CLIP1: variants seen among roughly 807,000 people sequenced by gnomAD.
The protein encoded by CLIP1 is CAP-Gly domain-containing linker protein 1.
A neutral mutation model predicts 161.6 loss-of-function variants in CLIP1; 66 were observed. The ratio of observed to expected loss-of-function variants is 0.41; its 90% CI spans 0.33 to 0.50. The LOEUF is 0.50. Among genes scored for constraint, CLIP1 ranks in the 20% least tolerant of loss-of-function variants. CLIP1 has a pLI of 0.27. For synonymous variants in CLIP1, 598 were observed against 626.2 expected, an observed-to-expected ratio of 0.96 and a Z score of 0.67; for missense variants, 1,376 against 1,702.0, an observed-to-expected ratio of 0.81 and a Z score of 3.37.
At chr12:122,333,958 A>G in intron 14 of CLIP1, 69 bp downstream of exon 14, 1 of 920,078 alleles carries the variant, frequency 1.1e-6, no homozygotes, top group East Asian at 2.4e-5. Context: ...TATGTAACAT[A>G]CTACAACTGT....
intron 9 of CLIP1, among the ~76,000 whole-genome samples, chr12:122,348,252 G>T (rs1952841889): frequency 6.6e-6 from 1 of 152,062 alleles, no homozygotes; most frequent in South Asian, 2.1e-4. Context: ...AGGGAAAAAA[G>T]GACTCAGAAT....
intron 20 of CLIP1, among the ~76,000 whole-genome samples, chr12:122,291,359 T>C (rs185309697): frequency 3.3e-5 from 5 of 150,912 alleles, no homozygotes; most frequent in Admixed American, 1.3e-4. Flanking sequence ...CCAGCTAACT[T>C]TTCTATTTTT....
chr12:122,299,612 C>CAAAAAAAAAAAAAAAAAAAAAAAA lies in CLIP1; in HGVS notation c.3594+10149_3594+10150insTTTTTTTTTTTTTTTTTTTTTTTT, dbSNP rs71082962. Among the ~76,000 whole-genome samples the CAAAAAAAAAAAAAAAAAAAAAAAA allele has an allele frequency of 1.6e-4, 10 of 62,518 alleles. 2 individuals carry two copies. The highest frequency in any genetic ancestry group is 7.0e-4 in the African/African-American group (10 of 14,344). 41.0% of individuals were successfully genotyped at this position (62,518 alleles called of 152,430 possible). A position where few individuals can be genotyped will look rare whatever the true frequency, so the allele number is the denominator to read the frequency against. ...TTTTGTTTTTAAAGAATAAATTCAG[C>CAAAAAAAAAAAAAAAAAAAAAAAA]AAAAAAAAAAAAAAAAAAAAGATGC... On this transcript the variant is annotated intron_variant, in intron 20 of 25. Coordinates refer to ENST00000620786, the MANE Select transcript of CLIP1 (RefSeq NM_001247997.2).
At chr12:122,376,930 G>A (rs1038849955) in intron 3 of CLIP1, among the ~76,000 whole-genome samples, 2 of 151,826 alleles carry the variant, frequency 1.3e-5, no homozygotes, top group Non-Finnish European at 2.9e-5. Flanking sequence ...AAACTGAACT[G>A]ATTAATTTCT....
In CLIP1 at chr12:122,313,289, T is replaced by C. The variant is rs544874740; in HGVS notation, c.3474-3407A>G. On this transcript the variant is annotated intron_variant, in intron 19 of 25. Transcript: ENST00000620786. The stretch of plus-strand genomic sequence containing the variant: ...TCCGGTCCCTCCCCACCTGAATGTG[T>C]TCAGGGATCAGAGGTCTGGGGAGTA... Among the ~76,000 whole-genome samples, 12 of 152,298 alleles carry C rather than the reference T, an allele frequency of 7.9e-5. 1 individual carries two copies. In the South Asian group the frequency reaches 2.3e-3, roughly 29 times the overall value.
At chr12:122,408,341 CTTTA>C (rs1956405291) in intron 1 of CLIP1, among the ~76,000 whole-genome samples, 1 of 150,684 alleles carries the variant, frequency 6.6e-6, no homozygotes, top group African/African-American at 2.4e-5. Flanking sequence ...TGAGACATTT[CTTTA>C]TTTTTTATTA....
In CLIP1 at chr12:122,377,413, C is replaced by T. The variant is rs1169250616; in HGVS notation, c.633G>A (p.Glu211=). ...CCAATACTCTGTCTCCGATTTTGAG[C>T]TCTCTTTCTCCTTTCTTGATTGAGC... ...EAGSIKKGER[E]LKIGDRVLVG... Residue 211 remains glutamate, a synonymous_variant, in exon 3 of 26, where the codon GAG becomes GAA. Coordinates refer to ENST00000620786, the MANE Select transcript of CLIP1 (RefSeq NM_001247997.2). 6.2e-7 allele frequency: 1 copy of T among 1,613,606 alleles called. No individual in the cohort carries two copies. The highest frequency in any genetic ancestry group is 8.5e-7 in the Non-Finnish European group (1 of 1,179,786).
At chr12:122,345,875 T>G (rs546528333) in intron 10 of CLIP1, among the ~76,000 whole-genome samples, 2 of 152,024 alleles carry the variant, frequency 1.3e-5, no homozygotes, top group African/African-American at 2.4e-5. Context: ...AACCTCTGCC[T>G]CCCAGGTTCA....
At chr12:122,317,020 C>T (rs530356952) in intron 18 of CLIP1, among the ~76,000 whole-genome samples, 165 bp from the exon 19 acceptor site, 1 of 150,758 alleles carries the variant, frequency 6.6e-6, no homozygotes, top group South Asian at 2.1e-4. Flanking sequence ...AAGTCTATTA[C>T]AAACTGCAAA....
At chr12:122,404,536 G>C (rs1313826123) in intron 1 of CLIP1, among the ~76,000 whole-genome samples, 1 of 151,872 alleles carries the variant, frequency 6.6e-6, no homozygotes, top group Non-Finnish European at 1.5e-5. Context: ...GGAGGTGGAG[G>C]TTGCAGTGAG....
intron 1 of CLIP1, among the ~76,000 whole-genome samples, chr12:122,402,662 C>A (rs1309862672): frequency 6.6e-6 from 1 of 151,866 alleles, no homozygotes. Flanking sequence ...TATAATCCCA[C>A]CTACTCCGGA....
intron 3 of CLIP1, among the ~76,000 whole-genome samples, chr12:122,372,037 T>C (rs1002984924): frequency 6.6e-6 from 1 of 151,962 alleles, no homozygotes; most frequent in Non-Finnish European, 1.5e-5. Context: ...ATCCCAGAAC[T>C]TTGGGAGGCC....
intron 21 of CLIP1, among the ~76,000 whole-genome samples, chr12:122,286,913 G>A (rs1375316242): frequency 1.3e-5 from 2 of 152,022 alleles, no homozygotes; most frequent in Non-Finnish European, 2.9e-5. Flanking sequence ...CAGGAGAATC[G>A]CTTGAACCCA....
At position 122,375,739 on chromosome 12, in the gene CLIP1, GA is replaced by G. The variant is rs566808806; in HGVS notation, c.657+1649del. On this transcript the variant is annotated intron_variant, in intron 3 of 25. Coordinates refer to ENST00000620786, the MANE Select transcript of CLIP1 (RefSeq NM_001247997.2). ...AACCAAAAATTAAAAATCAGAAGGG[GA>G]AAAAAAATCCAATTTTTATAAACAC... Among the ~76,000 whole-genome samples the G allele has an allele frequency of 1.3e-4, 19 of 148,942 alleles. No homozygotes were observed. The South Asian group carries it at 2.1e-3, about 17-fold the overall frequency.
At position 122,319,259 on chromosome 12, in the gene CLIP1, C is replaced by T; in HGVS notation, c.3339G>A (p.Lys1113=). 1 of 1,613,124 alleles carries T rather than the reference C, an allele frequency of 6.2e-7. No homozygotes were observed. The highest frequency in any genetic ancestry group is 1.3e-5 in the African/African-American group (1 of 75,038). Reference sequence around the variant, plus strand: ...CATTCTGTAGTTTTGCATTTGTTTGCTTGGTGTCCTCCAAGGAGGCCAGAG... The same window carrying T: ...CATTCTGTAGTTTTGCATTTGTTTGTTTGGTGTCCTCCAAGGAGGCCAGAG... ...TETLASLEDT[K]QTNAKLQNEL... The change falls in exon 18 of 26, where the codon AAG becomes AAA. Residue 1113 remains lysine (K), a synonymous_variant. Transcript: ENST00000620786.
In CLIP1 at chr12:122,387,571, TATATATATATATATATA is replaced by T. The variant is rs1259776146; in HGVS notation, c.-106-7030_-106-7014del. ...TCATATATATATATATATATATATA[TATATATATATATATATA>T]TATTTTTTTTTTTTTTTTTTTTTTT... is the stretch of plus-strand genomic sequence containing the variant. On this transcript the variant is annotated intron_variant, in intron 1 of 25. Coordinates refer to ENST00000620786, the MANE Select transcript of CLIP1 (RefSeq NM_001247997.2). 1.4e-3 allele frequency among the ~76,000 whole-genome samples: 6 copies of T among 4,174 alleles called. No homozygotes were observed. In the South Asian group the frequency reaches 0.031, roughly 22 times the overall value. The allele number at this position is 4,174 out of a possible 152,430, so 2.7% of individuals were successfully genotyped here. A position where few individuals can be genotyped will look rare whatever the true frequency, so the allele number is the denominator to read the frequency against.
chr12:122,413,319 A>T (rs1956608992), intron 1 of CLIP1, among the ~76,000 whole-genome samples: 1 of 152,142 alleles, frequency 6.6e-6, no homozygotes, highest in Non-Finnish European at 1.5e-5. Context: ...AAAAGAAGGG[A>T]TTTTTAGAAT....
At chr12:122,275,704 A>T (rs1311482666) in intron 24 of CLIP1, 1 of 152,010 alleles carries the variant, frequency 6.6e-6, no homozygotes, top group Non-Finnish European at 1.5e-5. Flanking sequence ...TTCTTCCATT[A>T]AACTCTACAA....
intron 2 of CLIP1, among the ~76,000 whole-genome samples, chr12:122,379,944 T>TCAAAAAAAAAAAAAAAAAA (rs536970371): frequency 1.0e-5 from 1 of 99,722 alleles, no homozygotes; most frequent in African/African-American, 3.8e-5. Flanking sequence ...ACTCCATCTT[T>TCAAAAAAAAAAAAAAAAAA]AAAAAAAAAA....
Sources: allele counts gnomAD v4.1 joint callset (sites outside exome capture counted in the v4.1 genomes callset), GRCh38; gene constraint gnomAD v4.1.1; transcripts MANE v1.5; gene names NCBI Gene and HGNC (gene_info 2026-07-23, HGNC 2026-07-21).